MCFD2: variants seen among roughly 807,000 people sequenced by gnomAD.
MCFD2 encodes the protein multiple coagulation factor deficiency 2, ER cargo receptor complex subunit.
In MCFD2, 11 loss-of-function variants were observed where a neutral mutation model predicts 12.8. The ratio of observed to expected loss-of-function variants is 0.86; its 90% confidence interval spans 0.54 to 1.42. The LOEUF is 1.42. MCFD2 is among the 40% of genes most tolerant of loss of function. The pLI is 0.00. For missense variants in MCFD2, 191 were observed against 178.6 expected (o/e 1.07, Z -0.40); for synonymous variants, 70 against 68.1 (o/e 1.03, Z -0.14).
chr2:46,924,044 AT>A, intron 1 of MCFD2, among the ~76,000 whole-genome samples: 1 of 151,856 alleles, frequency 6.6e-6, no homozygotes, highest in South Asian at 2.1e-4. Context: ...CCTATAGAAA[AT>A]TTTTTAAAAA....
intron 1 of MCFD2, among the ~76,000 whole-genome samples, chr2:46,923,327 C>T (rs1669203758): frequency 6.6e-6 from 1 of 151,946 alleles, no homozygotes; most frequent in Admixed American, 6.6e-5. Context: ...TCTAATCACA[C>T]CTTGGTCTTT....
At chr2:46,923,114 G>C (rs1572636245) in intron 1 of MCFD2, among the ~76,000 whole-genome samples, 1 of 152,316 alleles carries the variant, frequency 6.6e-6, no homozygotes, top group East Asian at 1.9e-4. Context: ...CTCCTGGCCT[G>C]TGGATGTCTT....
intron 1 of MCFD2, among the ~76,000 whole-genome samples, chr2:46,930,435 G>GAAA (rs56691862): frequency 0.088 from 10,519 of 120,120 alleles, 490 homozygotes; most frequent in Middle Eastern, 0.14. Context: ...GTATTCCTAG[G>GAAA]AAAAAAAAAA....
At position 46,941,142 on chromosome 2, in the gene MCFD2, G is replaced by A. The variant is rs1218484936; in HGVS notation, c.-8+430C>T. The A allele has an allele frequency of 6.8e-6, 1 of 147,756 alleles. No individual in the cohort carries two copies. Among genetic ancestry groups the A allele is most frequent in the Non-Finnish European group, 1.5e-5 (1 of 66,006 alleles). 9.2% of individuals were successfully genotyped at this position (147,756 alleles called of 1,614,324 possible). On this transcript the variant is annotated intron_variant, in intron 1 of 2. Coordinates refer to the MCFD2 transcript ENST00000409147. This position sits in a 1 kb window ranked among gnomAD's most constrained non-coding sequence, Gnocchi z 4.2. ...CAGCCAGCGAGCCCGGCTCGCCGAG[G>A]CCTCCCCACGCCCCCGCGGGGGTGG...
chr2:46,927,207 C>G (rs1041024879), intron 1 of MCFD2, among the ~76,000 whole-genome samples: 1 of 151,656 alleles, frequency 6.6e-6, no homozygotes, highest in African/African-American at 2.4e-5. Context: ...AAAAATTTTC[C>G]AGAACCAATG....
At chr2:46,939,122 A>C (rs1182139994) in intron 1 of MCFD2, among the ~76,000 whole-genome samples, 2 of 152,196 alleles carry the variant, frequency 1.3e-5, no homozygotes, top group African/African-American at 2.4e-5. Context: ...CAAACAAAAT[A>C]ATAAATTAAA....
rs968581117 is a variant in MCFD2 at position 46,940,590 on chromosome 2, C to T, written c.-8+982G>A. On this transcript the variant is annotated intron_variant, in intron 1 of 2. Coordinates refer to the MCFD2 transcript ENST00000409147. The surrounding 1 kb of genome is among the most constrained non-coding windows in gnomAD (Gnocchi z 4.7). ...ATAAATAAATACCAAGGTGGTGAAA[C>T]AGCCTAAAGCCTTTAAGAAATCCAG... is the stretch of plus-strand genomic sequence containing the variant. Among the ~76,000 whole-genome samples, 1 of 152,256 alleles carries T rather than the reference C, an allele frequency of 6.6e-6. No homozygotes were observed. The highest frequency in any genetic ancestry group is 2.4e-5 in the African/African-American group (1 of 41,470).
rs995352881 is a variant in MCFD2 at position 46,907,762 on chromosome 2, A to C, written c.309+48T>G. On this transcript the variant is annotated intron_variant, in intron 3 of 3. Coordinates refer to ENST00000319466, the MANE Select transcript of MCFD2 (RefSeq NM_139279.6). This position sits in a 1 kb window ranked among gnomAD's most constrained non-coding sequence, Gnocchi z 4.1. The stretch of plus-strand genomic sequence containing the variant: ...ACAAGACTGGGGACCAAATTAACAA[A>C]GGGAAGCCTTTCTGTGATACAGTCC... The C allele has an allele frequency of 1.1e-5, 18 of 1,599,642 alleles. No homozygotes were observed. Among genetic ancestry groups the C allele is most frequent in the African/African-American group, 4.0e-5 (3 of 74,652 alleles).
Position 46,908,147 on chromosome 2 carries a change from G to GAA in MCFD2, c.150-180_150-179dup. ...ATAGACAAGGCCTTGAGAGGAGCAG[G>GAA]AAAAGTCAAATAGACCATCTGTTAT... On this transcript the variant is annotated intron_variant, in intron 2 of 3. Transcript: ENST00000319466. This position sits in a 1 kb window ranked among gnomAD's most constrained non-coding sequence, Gnocchi z 4.5. The GAA allele has an allele frequency of 1.4e-6, 1 of 692,392 alleles. No individual in the cohort carries two copies. The highest frequency in any genetic ancestry group is 2.6e-6 in the Non-Finnish European group (1 of 391,684). 42.9% of individuals were successfully genotyped at this position (692,392 alleles called of 1,614,324 possible).
rs1670285500 is a variant in MCFD2 at position 46,941,004 on chromosome 2, C to T, written c.-8+568G>A. 6.6e-6 allele frequency among the ~76,000 whole-genome samples: 1 copy of T among 151,476 alleles called. No homozygotes were observed. Among genetic ancestry groups the T allele is most frequent in the South Asian group, 2.1e-4 (1 of 4,832 alleles). ...AGCGAGGCGCCCCCGGGCGCCGGGG[C>T]TCCGCGCGGGATTAAAGTGAGCTCC... On this transcript the variant is annotated intron_variant, in intron 1 of 2. Coordinates refer to the MCFD2 transcript ENST00000409147. The surrounding 1 kb of genome is among the most constrained non-coding windows in gnomAD (Gnocchi z 4.2).
intron 1 of MCFD2, among the ~76,000 whole-genome samples, chr2:46,934,786 TC>T (rs1476990601): frequency 1.2e-5 from 1 of 81,512 alleles, no homozygotes; most frequent in Non-Finnish European, 2.3e-5. Flanking sequence ...AGACTACTGC[TC>T]TTTTTTTTTT....
At chr2:46,931,672 G>A (rs1490756241) in intron 1 of MCFD2, among the ~76,000 whole-genome samples, 2 of 144,834 alleles carry the variant, frequency 1.4e-5, no homozygotes, top group East Asian at 2.0e-4. Flanking sequence ...TTCTTTGGGG[G>A]AAAAAACAAA....
chr2:46,940,576 C>A lies in MCFD2; in HGVS notation c.-8+996G>T, dbSNP rs1670243359. 1.3e-5 allele frequency among the ~76,000 whole-genome samples: 2 copies of A among 152,212 alleles called. No homozygotes were observed. Among genetic ancestry groups the A allele is most frequent in the Non-Finnish European group, 2.9e-5 (2 of 68,048 alleles). Reference sequence around the variant, plus strand: ...ACCAGCATGAAGAAATAAATAAATACCAAGGTGGTGAAACAGCCTAAAGCC... The same window carrying A: ...ACCAGCATGAAGAAATAAATAAATAACAAGGTGGTGAAACAGCCTAAAGCC... On this transcript the variant is annotated intron_variant, in intron 1 of 2. Coordinates refer to the MCFD2 transcript ENST00000409147. This position sits in a 1 kb window ranked among gnomAD's most constrained non-coding sequence, Gnocchi z 4.7.
chr2:46,939,877 T>C (rs1670190135), intron 1 of MCFD2, among the ~76,000 whole-genome samples: 1 of 152,154 alleles, frequency 6.6e-6, no homozygotes. Flanking sequence ...CTAAACTGTC[T>C]CTAAATTCCA....
At chr2:46,919,690 A>C (rs1302968299), upstream of MCFD2, among the ~76,000 whole-genome samples, 2 of 152,200 alleles carry the variant, frequency 1.3e-5, no homozygotes, top group Non-Finnish European at 2.9e-5. Flanking sequence ...TAATCTCTGA[A>C]CCCTGGAATT....
chr2:46,941,646 G>C lies in MCFD2; in HGVS notation c.-82C>G, dbSNP rs1670393055. 1 of 1,552,476 alleles carries C rather than the reference G, an allele frequency of 6.4e-7. No individual in the cohort carries two copies. The highest frequency in any genetic ancestry group is 1.2e-5 in the South Asian group (1 of 84,190). On this transcript the variant is annotated 5_prime_UTR_variant, in exon 1 of 3. Coordinates refer to the MCFD2 transcript ENST00000409147. This position sits in a 1 kb window ranked among gnomAD's most constrained non-coding sequence, Gnocchi z 4.2. Reference sequence around the variant, plus strand: ...ACCGCATGCCGGAGCTGGTCCGGCAGCTGCAGACGCTGAGCATGCCCGGCG... The same window carrying C: ...ACCGCATGCCGGAGCTGGTCCGGCACCTGCAGACGCTGAGCATGCCCGGCG...
Position 46,941,477 on chromosome 2 carries a change from G to T in MCFD2, c.-8+95C>A. The T allele has an allele frequency of 1.3e-6, 2 of 1,516,632 alleles. No homozygotes were observed. Among genetic ancestry groups the T allele is most frequent in the East Asian group, 2.7e-5 (1 of 37,512 alleles). The allele number at this position is 1,516,632 out of a possible 1,614,324, so 93.9% of individuals were successfully genotyped here. On this transcript the variant is annotated intron_variant, in intron 1 of 2. Coordinates refer to the MCFD2 transcript ENST00000409147. This position sits in a 1 kb window ranked among gnomAD's most constrained non-coding sequence, Gnocchi z 4.2. ...CCCGCCCGCGAGTGCGCCCCAGCCA[G>T]GACGCCGCCCCCGGCCGGGTCTCCA...
At chr2:46,919,360 C>T (rs1261649739), upstream of MCFD2, among the ~76,000 whole-genome samples, 1 of 152,098 alleles carries the variant, frequency 6.6e-6, no homozygotes, top group Non-Finnish European at 1.5e-5. Context: ...ATGGTGAAAC[C>T]CTGTCTCTAC....
Position 46,941,441 on chromosome 2 carries a change from C to A in MCFD2, c.-8+131G>T, listed in dbSNP as rs1670364666. 1.5e-6 allele frequency: 2 copies of A among 1,291,662 alleles called. 1 individual carries two copies. Among genetic ancestry groups the A allele is most frequent in the Non-Finnish European group, 2.0e-6 (2 of 1,002,048 alleles). 80.0% of individuals were successfully genotyped at this position (1,291,662 alleles called of 1,614,324 possible). A position where few individuals can be genotyped will look rare whatever the true frequency, so the allele number is the denominator to read the frequency against. ...GCCCGGGCCCCGGCTGCCGTCTGCGCCCCCGTCGACCCCGCCCGCGAGTGC... is the reference window on the plus strand; with the variant it reads ...GCCCGGGCCCCGGCTGCCGTCTGCGACCCCGTCGACCCCGCCCGCGAGTGC... On this transcript the variant is annotated intron_variant, in intron 1 of 2. Transcript: ENST00000409147. The surrounding 1 kb of genome is among the most constrained non-coding windows in gnomAD (Gnocchi z 4.2).
Sources: allele counts gnomAD v4.1 joint callset (sites outside exome capture counted in the v4.1 genomes callset), GRCh38; gene constraint gnomAD v4.1.1; non-coding constraint Gnocchi (gnomAD v3.1); transcripts MANE v1.5; gene names NCBI Gene and HGNC (gene_info 2026-07-23, HGNC 2026-07-21).